The following AS3MT variants were observed in gnomAD, a reference collection of about 807,000 sequenced individuals.
The protein encoded by AS3MT is S-adenosyl-L-methionine:arsenic(III) methyltransferase.
A neutral mutation model predicts 45.3 loss-of-function variants in AS3MT; 47 were observed. The ratio of observed to expected loss-of-function variants is 1.04; its 90% CI spans 0.82 to 1.32. The LOEUF is 1.32. Among genes scored for constraint, AS3MT ranks in the 40% most tolerant of loss-of-function variants. AS3MT has a pLI of 0.00. For missense variants in AS3MT, 396 were observed against 451.1 expected (o/e 0.88, Z 1.11); for synonymous variants, 141 against 152.8 (o/e 0.92, Z 0.57).
chr10:102,876,111 T>C (rs1349279596), intron 6 of AS3MT, among the ~76,000 whole-genome samples: 2 of 152,250 alleles, frequency 1.3e-5, no homozygotes, highest in East Asian at 1.9e-4. Flanking sequence ...TATTATAGAA[T>C]CTAGATCTCC....
intron 10 of AS3MT, among the ~76,000 whole-genome samples, chr10:102,895,231 T>TCTGGC (rs1380933775): frequency 6.6e-6 from 1 of 151,644 alleles, no homozygotes; most frequent in Non-Finnish European, 1.5e-5. Context: ...AGAGTTTCAC[T>TCTGGC]CTATCACCCA....
At chr10:102,900,247 A>G (rs11191454) in intron 10 of AS3MT, among the ~76,000 whole-genome samples, 12,712 of 152,266 alleles carry the variant, frequency 0.083, 806 homozygotes, top group East Asian at 0.28. Context: ...AAGGGAAGAG[A>G]AGTCGTTTTA....
rs1359531415 is a variant in AS3MT, at chr10:102,879,848, A to G, written c.885+857A>G. On this transcript the variant is annotated intron_variant, in intron 9 of 10. Transcript: ENST00000369880. Reference sequence around the variant, plus strand: ...GAATACCCACATAGGCATTACCTATATTTCAGCAATTGAGAACATTTTTCC... The same window carrying G: ...GAATACCCACATAGGCATTACCTATGTTTCAGCAATTGAGAACATTTTTCC... 4.6e-5 allele frequency among the ~76,000 whole-genome samples: 7 copies of G among 151,492 alleles called. No homozygotes were observed. The East Asian group carries it at 1.4e-3, about 29-fold the overall frequency.
At chr10:102,884,030 G>A (rs1255002593) in intron 9 of AS3MT, among the ~76,000 whole-genome samples, 1 of 143,962 alleles carries the variant, frequency 6.9e-6, no homozygotes, top group Admixed American at 7.2e-5. Context: ...CCAGGCTGGA[G>A]TGCAGTGGCA....
At chr10:102,875,963 A>G (rs1033148651) in intron 6 of AS3MT, among the ~76,000 whole-genome samples, 1 of 151,986 alleles carries the variant, frequency 6.6e-6, no homozygotes, top group South Asian at 2.1e-4. Context: ...TTTTTGGTTT[A>G]CAAAGCTGTC....
At chr10:102,882,668 C>A (rs775116203) in intron 9 of AS3MT, among the ~76,000 whole-genome samples, 1 of 152,054 alleles carries the variant, frequency 6.6e-6, no homozygotes, top group African/African-American at 2.4e-5. Flanking sequence ...CAGCTCACTG[C>A]AACCTCTGCC....
intron 9 of AS3MT, among the ~76,000 whole-genome samples, chr10:102,882,715 C>T (rs554622170): frequency 4.6e-5 from 7 of 152,132 alleles, no homozygotes; most frequent in Non-Finnish European, 8.8e-5. Context: ...CTTAGCCTCT[C>T]GAGTAGCAGG....
intron 7 of AS3MT, 54 bp downstream of exon 7, chr10:102,877,089 ACTC>A (rs2134114282): frequency 6.5e-7 from 1 of 1,529,956 alleles, no homozygotes; most frequent in South Asian, 1.1e-5. Context: ...CATGTGCAGA[ACTC>A]CTTTCTGCTA....
At chr10:102,885,351 C>G (rs931703562) in intron 9 of AS3MT, among the ~76,000 whole-genome samples, 2 of 151,506 alleles carry the variant, frequency 1.3e-5, no homozygotes, top group Non-Finnish European at 2.9e-5. Flanking sequence ...TTTTTTGAGA[C>G]AGAGTCTTAC....
At chr10:102,874,878 C>T (rs1844756921) in intron 6 of AS3MT, among the ~76,000 whole-genome samples, 1 of 152,196 alleles carries the variant, frequency 6.6e-6, no homozygotes, top group African/African-American at 2.4e-5. Context: ...TGACAGTTGT[C>T]ACTGAATGTG....
chr10:102,870,578 A>AG (rs1470112355), intron 3 of AS3MT, among the ~76,000 whole-genome samples: 1 of 152,162 alleles, frequency 6.6e-6, no homozygotes, highest in East Asian at 1.9e-4. Context: ...CCTAAAAAAA[A>AG]GAACCTCCAG....
rs1844793763 is a variant in AS3MT, at chr10:102,877,003, C to T, written c.578C>T (p.Pro193Leu). ...GACGTCTATACGAGCCTTGAACTGC[C>T]AGAAGAAATCAGGACACACAAAGTT... ...FSDVYTSLEL[P>L]EEIRTHKVLW... The change falls in exon 7 of 11, where the codon CCA (proline) becomes CTA (leucine). Residue 193 changes from proline (P) to leucine (L), a missense_variant. Coordinates refer to ENST00000369880, the MANE Select transcript of AS3MT (RefSeq NM_020682.4). The T allele has an allele frequency of 2.5e-6, 4 of 1,614,162 alleles. No individual in the cohort carries two copies. The East Asian group carries it at 8.9e-5, about 36-fold the overall frequency.
At chr10:102,891,141 A>T (rs1845063901) in intron 10 of AS3MT, among the ~76,000 whole-genome samples, 1 of 152,106 alleles carries the variant, frequency 6.6e-6, no homozygotes, top group African/African-American at 2.4e-5. Flanking sequence ...AACTCCCGAG[A>T]TCTTATCGGG....
chr10:102,871,295 C>T (rs1844677082), intron 3 of AS3MT, among the ~76,000 whole-genome samples: 1 of 151,236 alleles, frequency 6.6e-6, no homozygotes, highest in Admixed American at 6.6e-5. Context: ...GTCTGTAATC[C>T]CAGCACTTTG....
At chr10:102,877,904 C>T (rs1844812724) in intron 7 of AS3MT, among the ~76,000 whole-genome samples, 1 of 151,870 alleles carries the variant, frequency 6.6e-6, no homozygotes, top group Admixed American at 6.6e-5. Flanking sequence ...AGGTGCATGC[C>T]ACCATGCCCA....
chr10:102,869,909 C>G, intron 2 of AS3MT, 64 bp downstream of exon 2: 1 of 1,601,564 alleles, frequency 6.2e-7, no homozygotes, highest in South Asian at 1.1e-5. Flanking sequence ...CTGGCCTGGC[C>G]CGCACCCTGT....
At chr10:102,895,778 CT>C (rs34570460) in intron 10 of AS3MT, among the ~76,000 whole-genome samples, 291 of 142,882 alleles carry the variant, frequency 2.0e-3, no homozygotes, top group South Asian at 3.8e-3. Flanking sequence ...ATAATACCAG[CT>C]TTTTTTTTTT....
intron 10 of AS3MT, among the ~76,000 whole-genome samples, chr10:102,899,829 C>T (rs557082985): frequency 6.6e-6 from 1 of 152,134 alleles, no homozygotes; most frequent in African/African-American, 2.4e-5. Flanking sequence ...CCACACCCAG[C>T]TAATTTTTTG....
At chr10:102,893,886 G>C (rs940592086) in intron 10 of AS3MT, among the ~76,000 whole-genome samples, 7 of 151,444 alleles carry the variant, frequency 4.6e-5, no homozygotes, top group Non-Finnish European at 1.0e-4. Flanking sequence ...AACCTGTCTC[G>C]GCCTCCCAAA....
Sources: gnomAD v4.1 joint callset for allele counts (sites outside exome capture counted in the v4.1 genomes callset) on GRCh38, gnomAD v4.1.1 for gene constraint, MANE v1.5 for transcripts, NCBI Gene and HGNC (gene_info 2026-07-23, HGNC 2026-07-21) for gene names.